HOXC5: variants seen among roughly 807,000 people sequenced by gnomAD.
HOXC5 encodes the protein homeobox protein Hox-C5.
Under a neutral mutation model 20.1 loss-of-function variants are expected in HOXC5, and 19 were observed. The ratio of observed to expected loss-of-function variants is 0.94; its 90% CI spans 0.66 to 1.38. The LOEUF (loss-of-function observed/expected upper bound fraction) is 1.38, where lower values mean the gene tolerates loss of function less well. Ranked by LOEUF, HOXC5 falls within the 40% of genes most tolerant of loss-of-function variation. HOXC5 has a pLI of 0.00. For missense variants in HOXC5, 330 were observed against 300.1 expected, an observed-to-expected ratio of 1.10 and a Z score of -0.74; for synonymous variants, 124 against 117.0, an observed-to-expected ratio of 1.06 and a Z score of -0.39.
the HOXC5 span, among the ~76,000 whole-genome samples, chr12:54,026,131 G>T: frequency 6.6e-6 from 1 of 152,088 alleles, no homozygotes; most frequent in African/African-American, 2.4e-5. Flanking sequence ...TGGAGGGGGG[G>T]ACAGAGTTAC....
At chr12:54,027,678 A>G in the HOXC5 span, among the ~76,000 whole-genome samples, 1 of 151,984 alleles carries the variant, frequency 6.6e-6, no homozygotes, top group African/African-American at 2.4e-5. Context: ...AAAATGCTGG[A>G]AGAGTTTTCC....
At chr12:54,019,798 A>G in the HOXC5 span, 1 of 152,004 alleles carries the variant, frequency 6.6e-6, no homozygotes, top group African/African-American at 2.4e-5. Context: ...TAACAGCACC[A>G]TCCTGAGGTG....
chr12:54,025,048 T>C, the HOXC5 span, among the ~76,000 whole-genome samples: 1 of 152,126 alleles, frequency 6.6e-6, no homozygotes, highest in Non-Finnish European at 1.5e-5. Flanking sequence ...AATGCCTGAT[T>C]TGGGAGGCTA....
At chr12:54,028,388 A>G (rs1391414086), upstream of HOXC5, 7 of 951,812 alleles carry the variant, frequency 7.4e-6, no homozygotes, top group Non-Finnish European at 3.1e-6. Flanking sequence ...ATTGGCTGGG[A>G]GGGGGTCAGC....
chr12:54,022,156 AC>A, the HOXC5 span: 2 of 151,690 alleles, frequency 1.3e-5, no homozygotes, highest in African/African-American at 4.8e-5. Flanking sequence ...AGTTGAGCCC[AC>A]CCCCATCAAC....
chr12:54,031,981 C>A (rs1230361200), upstream of HOXC5, among the ~76,000 whole-genome samples: 1 of 152,214 alleles, frequency 6.6e-6, no homozygotes, highest in East Asian at 1.9e-4. Context: ...GGGCACATAA[C>A]GGGCCTTTTC....
upstream of HOXC5, chr12:54,030,664 A>G (rs760238658): frequency 6.5e-6 from 1 of 152,676 alleles, no homozygotes; most frequent in Non-Finnish European, 1.5e-5. Context: ...AAAAGAGGGA[A>G]AATTACAAAA....
In HOXC5 at chr12:54,034,557, C is replaced by T; in HGVS notation, c.*65C>T. The T allele has an allele frequency of 7.4e-7, 1 of 1,354,660 alleles. No individual in the cohort carries two copies. The highest frequency in any genetic ancestry group is 1.0e-6 in the Non-Finnish European group (1 of 959,484). The allele number at this position is 1,354,660 out of a possible 1,614,324, so 83.9% of individuals were successfully genotyped here. On this transcript the variant is annotated 3_prime_UTR_variant, in exon 2 of 2. Transcript: ENST00000312492. ...TTCCTGTCCCTGCGCCTTTCCTTTTCGCCTTTCCTCTCTATATTTCGGGTC... is the reference window on the plus strand; with the variant it reads ...TTCCTGTCCCTGCGCCTTTCCTTTTTGCCTTTCCTCTCTATATTTCGGGTC...
chr12:54,025,464 T>A, the HOXC5 span, among the ~76,000 whole-genome samples: 1 of 144,358 alleles, frequency 6.9e-6, no homozygotes, highest in African/African-American at 2.5e-5. Context: ...AAATTTCAGC[T>A]GCATAATTAA....
At chr12:54,033,770 A>C (rs1380861393) in intron 1 of HOXC5, among the ~76,000 whole-genome samples, 194 bp downstream of exon 1, 1 of 152,244 alleles carries the variant, frequency 6.6e-6, no homozygotes, top group Admixed American at 6.5e-5. Context: ...TCATAGGAAC[A>C]AAACGTGTAT....
At chr12:54,023,063 C>T in the HOXC5 span, among the ~76,000 whole-genome samples, 1 of 152,170 alleles carries the variant, frequency 6.6e-6, no homozygotes, top group South Asian at 2.1e-4. Context: ...CCTCAAGTGT[C>T]CCTAGGCATC....
At chr12:54,022,607 T>A in the HOXC5 span, 1 of 152,160 alleles carries the variant, frequency 6.6e-6, no homozygotes, top group Non-Finnish European at 1.5e-5. Flanking sequence ...ATGAGGATGC[T>A]GTTTTATTGT....
At position 54,033,050 on chromosome 12, in the gene HOXC5, C is replaced by G. The variant is rs1043092789; in HGVS notation, c.-73C>G. On this transcript the variant is annotated 5_prime_UTR_variant, in exon 1 of 2. Transcript: ENST00000312492. ...TTGTCCACTTTGGAGAACAAAAAACCCCTCAACTTCAAAGAGTCACAAATC... is the reference window on the plus strand; with the variant it reads ...TTGTCCACTTTGGAGAACAAAAAACGCCTCAACTTCAAAGAGTCACAAATC... The G allele has an allele frequency of 2.4e-6, 3 of 1,265,328 alleles. No individual in the cohort carries two copies. Among genetic ancestry groups the G allele is most frequent in the Admixed American group, 2.1e-5 (1 of 48,448 alleles). The allele number at this position is 1,265,328 out of a possible 1,614,324, so 78.4% of individuals were successfully genotyped here. A position where few individuals can be genotyped will look rare whatever the true frequency, so the allele number is the denominator to read the frequency against.
At chr12:54,031,280 G>C (rs976248906), upstream of HOXC5, among the ~76,000 whole-genome samples, 1 of 152,230 alleles carries the variant, frequency 6.6e-6, no homozygotes, top group Non-Finnish European at 1.5e-5. Flanking sequence ...CCCCAGGCCC[G>C]CGCCAAGCTG....
the HOXC5 span, chr12:54,020,780 G>T: frequency 4.1e-4 from 63 of 152,304 alleles, no homozygotes; most frequent in African/African-American, 1.2e-3. Context: ...TGGAATCGGA[G>T]TATGCGGGTT....
upstream of HOXC5, chr12:54,030,268 C>G (rs1323265742): frequency 9.4e-6 from 2 of 213,838 alleles, no homozygotes; most frequent in East Asian, 1.9e-4. Flanking sequence ...TACAGATTGC[C>G]CTCCAAGTGA....
upstream of HOXC5, chr12:54,030,155 A>G (rs1940928087): frequency 1.8e-6 from 1 of 545,332 alleles, no homozygotes; most frequent in African/African-American, 1.9e-5. Context: ...CTCTTTCACC[A>G]CGCGCCTCCT....
At chr12:54,031,192 A>G (rs1012143442), upstream of HOXC5, among the ~76,000 whole-genome samples, 3 of 152,232 alleles carry the variant, frequency 2.0e-5, no homozygotes, top group East Asian at 1.9e-4. Context: ...AAAGACCAGT[A>G]AAGAAGCACT....
chr12:54,025,204 A>G, the HOXC5 span, among the ~76,000 whole-genome samples: 2 of 152,180 alleles, frequency 1.3e-5, no homozygotes, highest in African/African-American at 4.8e-5. Context: ...ACAGAGCACA[A>G]CTGCAGTTTT....
Sources: gnomAD v4.1 joint callset for allele counts (sites outside exome capture counted in the v4.1 genomes callset) on GRCh38, gnomAD v4.1.1 for gene constraint, MANE v1.5 for transcripts, NCBI Gene and HGNC (gene_info 2026-07-23, HGNC 2026-07-21) for gene names.